Variants in COL6A3 observed in about 807,000 individuals in gnomAD.
COL6A3 encodes collagen alpha-3(VI) chain.
In COL6A3, 137 loss-of-function variants were observed where a neutral mutation model predicts 274.1. That is an observed-to-expected ratio of 0.50 (90% CI 0.44 to 0.58). The LOEUF (loss-of-function observed/expected upper bound fraction) is 0.58, where lower values mean the gene tolerates loss of function less well. COL6A3 is among the 20% of genes least tolerant of loss of function. The pLI is 0.00. For synonymous variants in COL6A3, 1,650 were observed against 1,650.6 expected (o/e 1.00, Z 0.01); for missense variants, 3,950 against 4,124.9 (o/e 0.96, Z 1.16).
chr2:237,350,106 G>C, intron 28 of COL6A3, 41 bp downstream of exon 28: 3 of 1,598,248 alleles, frequency 1.9e-6, no homozygotes, highest in Admixed American at 1.7e-5. Context: ...TTCCAGCAAA[G>C]AGTCAGCGAC....
At chr2:237,388,352 C>T (rs994248933) in intron 3 of COL6A3, among the ~76,000 whole-genome samples, 168 bp from the exon 4 acceptor site, 2 of 152,192 alleles carry the variant, frequency 1.3e-5, no homozygotes, top group Admixed American at 1.3e-4. Flanking sequence ...GTTCTGCATT[C>T]TGAATGGATA....
intron 28 of COL6A3, 50 bp from the exon 29 acceptor site, chr2:237,348,713 A>G (rs746468725): frequency 1.3e-6 from 2 of 1,544,172 alleles, no homozygotes; most frequent in Admixed American, 1.7e-5. Context: ...CTGGCACACC[A>G]TAACCACCGT....
intron 42 of COL6A3, chr2:237,328,207 C>A: frequency 6.6e-6 from 1 of 152,390 alleles, no homozygotes; most frequent in Non-Finnish European, 1.5e-5. Context: ...TGACTCAGAC[C>A]ACTGTCTGCT....
At position 237,369,285 on chromosome 2, in the gene COL6A3, C is replaced by T. The variant is rs967097533; in HGVS notation, c.4286-108G>A. On this transcript the variant is annotated intron_variant, in intron 9 of 43. Coordinates refer to ENST00000295550, the MANE Select transcript of COL6A3 (RefSeq NM_004369.4). ...CCTAATCAACCTTAAGATTATATCC[C>T]AAGATGCCTGTGTTGTTTGTATCTC... is the stretch of plus-strand genomic sequence containing the variant. 4 of 1,433,170 alleles carry T rather than the reference C, an allele frequency of 2.8e-6. No individual in the cohort carries two copies. The African/African-American group carries it at 5.6e-5, about 20-fold the overall frequency. The allele number at this position is 1,433,170 out of a possible 1,614,324, so 88.8% of individuals were successfully genotyped here.
chr2:237,392,470 C>T (rs537541000), intron 3 of COL6A3, among the ~76,000 whole-genome samples: 1 of 152,290 alleles, frequency 6.6e-6, no homozygotes, highest in South Asian at 2.1e-4. Flanking sequence ...CTTTTTCCTG[C>T]CCCACCATCC....
chr2:237,388,311 T>C (rs1429384648), intron 3 of COL6A3, 127 bp from the exon 4 acceptor site: 3 of 1,177,806 alleles, frequency 2.5e-6, no homozygotes, highest in Non-Finnish European at 2.5e-6. Flanking sequence ...ACAAAACACA[T>C]GTTGATGAAG....
At chr2:237,389,323 G>A (rs891307726) in intron 3 of COL6A3, among the ~76,000 whole-genome samples, 3 of 152,144 alleles carry the variant, frequency 2.0e-5, no homozygotes, top group Admixed American at 6.5e-5. Context: ...TATTCTAGTC[G>A]ATGTTTTTGA....
At chr2:237,349,275 T>C (rs140058641) in intron 28 of COL6A3, among the ~76,000 whole-genome samples, 6 of 152,284 alleles carry the variant, frequency 3.9e-5, no homozygotes, top group Admixed American at 6.5e-5. Context: ...TACATTACTA[T>C]CTCTAACATA....
At chr2:237,384,820 G>T (rs1428025460) in intron 4 of COL6A3, among the ~76,000 whole-genome samples, 4 of 152,152 alleles carry the variant, frequency 2.6e-5, no homozygotes, top group African/African-American at 9.6e-5. Flanking sequence ...CCAACCCACA[G>T]GCTCCACTCC....
intron 10 of COL6A3, among the ~76,000 whole-genome samples, chr2:237,367,936 G>T (rs915374649): frequency 1.3e-5 from 2 of 152,196 alleles, no homozygotes; most frequent in Non-Finnish European, 2.9e-5. Flanking sequence ...CAGGCAGCCT[G>T]GTAGGGAGCA....
At position 237,369,089 on chromosome 2, in the gene COL6A3, A is replaced by C; in HGVS notation, c.4374T>G (p.Phe1458Leu). ...RPDGFAHIRD[F>L]VSRIVRRLNI... Reference sequence around the variant, plus strand: ...TGAGTCTTCGAACAATCCTGCTAACAAAATCTCGAATATGTGCAAAGCCAT... The same window carrying C: ...TGAGTCTTCGAACAATCCTGCTAACCAAATCTCGAATATGTGCAAAGCCAT... Residue 1458 changes from phenylalanine (F) to leucine (L), a missense_variant, in exon 10 of 44, where the codon TTT becomes TTG. Phe to Leu is a conservative substitution (Grantham distance 22, BLOSUM62 0). This residue lies in a region of COL6A3 where 1,934 missense variants were observed against 1,984.3 expected (regional missense o/e 0.97). Transcript: ENST00000295550. 1 of 1,614,212 alleles carries C rather than the reference A, an allele frequency of 6.2e-7. No individual in the cohort carries two copies. The highest frequency in any genetic ancestry group is 1.1e-5 in the South Asian group (1 of 91,088).
chr2:237,369,645 A>G (rs1020809299), intron 9 of COL6A3, among the ~76,000 whole-genome samples: 1 of 152,206 alleles, frequency 6.6e-6, no homozygotes, highest in Non-Finnish European at 1.5e-5. Flanking sequence ...ACCCCTGAGG[A>G]GCCCAACACC....
chr2:237,346,402 C>A, intron 32 of COL6A3, 101 bp downstream of exon 32: 1 of 971,158 alleles, frequency 1.0e-6, no homozygotes, highest in Non-Finnish European at 1.7e-6. Flanking sequence ...ACAAAGAGAG[C>A]ACATTTTCTT....
intron 1 of COL6A3, among the ~76,000 whole-genome samples, chr2:237,398,731 C>T (rs1304953288): frequency 1.3e-5 from 2 of 152,172 alleles, no homozygotes; most frequent in Non-Finnish European, 2.9e-5. Context: ...CAATGATGTG[C>T]ATGTCAGTGA....
intron 3 of COL6A3, 71 bp downstream of exon 3, chr2:237,394,516 A>G: frequency 6.2e-7 from 1 of 1,604,158 alleles, no homozygotes; most frequent in Non-Finnish European, 8.5e-7. Context: ...TGTTGCTTTA[A>G]GGCCAGCAGT....
At position 237,368,192 on chromosome 2, in the gene COL6A3, G is replaced by T. The variant is rs940020356; in HGVS notation, c.4900+371C>A. 1.3e-5 allele frequency among the ~76,000 whole-genome samples: 2 copies of T among 152,220 alleles called. No homozygotes were observed. Among genetic ancestry groups the T allele is most frequent in the Non-Finnish European group, 2.9e-5 (2 of 68,048 alleles). On this transcript the variant is annotated intron_variant, in intron 10 of 43. Coordinates refer to ENST00000295550, the MANE Select transcript of COL6A3 (RefSeq NM_004369.4). This position sits in a 1 kb window ranked among gnomAD's most constrained non-coding sequence, Gnocchi z 4.4. ...GTCCCACCAGGCCAAGGAATGAGGG[G>T]ACCTGGACTATATTGGGCATCTGGC...
chr2:237,365,792 C>T lies in COL6A3; in HGVS notation c.5744G>A (p.Arg1915Gln), dbSNP rs374825188. The T allele has an allele frequency of 4.0e-5, 65 of 1,614,036 alleles. No homozygotes were observed. Among genetic ancestry groups the T allele is most frequent in the East Asian group, 1.8e-4 (8 of 44,872 alleles). Reference sequence around the variant, plus strand: ...GTAGGGGTGCTGGCTGCGCATGTTCCGGAACTTCTCGAGCATCTCTGGCTG... The same window carrying T: ...GTAGGGGTGCTGGCTGCGCATGTTCTGGAACTTCTCGAGCATCTCTGGCTG... ...EYQPEMLEKF[R>Q]NMRSQHPYVL... The change falls in exon 12 of 44, where the codon CGG becomes CAG. Residue 1915 changes from arginine to glutamine, a missense_variant. Around this residue, in one of 5 missense-constraint regions of COL6A3, gnomAD observed 632 missense variants for 623.4 expected, o/e 1.01. Transcript: ENST00000295550.
chr2:237,366,139 G>T, intron 11 of COL6A3, 104 bp from the exon 12 acceptor site: 1 of 927,920 alleles, frequency 1.1e-6, no homozygotes, highest in Non-Finnish European at 1.8e-6. Flanking sequence ...CCAGGGCATC[G>T]CACTCAAGTG....
At position 237,378,849 on chromosome 2, in the gene COL6A3, C is replaced by A; in HGVS notation, c.2284G>T (p.Ala762Ser). The A allele has an allele frequency of 6.2e-7, 1 of 1,614,252 alleles. No individual in the cohort carries two copies. Residue 762 changes from alanine to serine, a missense_variant, in exon 6 of 44, where the codon GCT becomes TCT. Ala to Ser is a moderately conservative substitution (Grantham distance 99, BLOSUM62 1). Around this residue, in one of 5 missense-constraint regions of COL6A3, gnomAD observed 1,934 missense variants for 1,984.3 expected, o/e 0.97. Coordinates refer to ENST00000295550, the MANE Select transcript of COL6A3 (RefSeq NM_004369.4). Reference protein sequence around the residue: ...AGQSEDSYLQAANALTRAGIL... With the variant: ...AGQSEDSYLQSANALTRAGIL... ...CCCGCGCGTGTCAAGGCGTTGGCAG[C>A]TTGCAAATAGGAGTCCTCAGACTGC...
Sources: allele counts gnomAD v4.1 joint callset (sites outside exome capture counted in the v4.1 genomes callset), GRCh38; gene constraint gnomAD v4.1.1; regional missense constraint gnomAD v4.1.1; non-coding constraint Gnocchi (gnomAD v3.1); transcripts MANE v1.5; gene names NCBI Gene and HGNC (gene_info 2026-07-23, HGNC 2026-07-21).